IFT80: variants seen among roughly 807,000 people sequenced by gnomAD.
IFT80 encodes intraflagellar transport protein 80 homolog.
IFT80 carries 79 observed loss-of-function variants against 107.9 expected under a neutral mutation model. That is an observed-to-expected ratio of 0.73 (90% CI 0.61 to 0.88). IFT80 has a LOEUF of 0.88. Among genes scored for constraint, IFT80 ranks in the 40% least tolerant of loss-of-function variants. The probability of loss-of-function intolerance (pLI) is 0.00; values close to 1 mark genes in which losing one functional copy is unlikely to be tolerated. For missense variants in IFT80, 797 were observed against 914.2 expected, an observed-to-expected ratio of 0.87 and a Z score of 1.65; for synonymous variants, 299 against 300.9, an observed-to-expected ratio of 0.99 and a Z score of 0.07.
At chr3:160,381,466 T>A in intron 3 of IFT80, 37 bp downstream of exon 3, 1 of 1,461,004 alleles carries the variant, frequency 6.8e-7, no homozygotes, top group Non-Finnish European at 9.6e-7. Context: ...GTCTTTTAAA[T>A]ACAATGGCGA....
rs113139823 is a variant in IFT80, at chr3:160,385,711, G to A, written c.-46-1065C>T. The stretch of plus-strand genomic sequence containing the variant: ...AGCACAGCCAGAGCTAGAATACAAC[G>A]TCTCCCAGGCACACTTCTTAAGTTC... On this transcript the variant is annotated intron_variant, in intron 1 of 19. Transcript: ENST00000326448. Among the ~76,000 whole-genome samples, 1,329 of 152,266 alleles carry A rather than the reference G, an allele frequency of 8.7e-3. 10 individuals carry two copies. The highest frequency in any genetic ancestry group is 0.013 in the Non-Finnish European group (916 of 68,014).
At chr3:160,319,370 A>G (rs1363026017) in intron 9 of IFT80, among the ~76,000 whole-genome samples, 4 of 152,020 alleles carry the variant, frequency 2.6e-5, no homozygotes, top group Non-Finnish European at 4.4e-5. Flanking sequence ...AGTTCATCCA[A>G]TTACAAATAA....
At chr3:160,278,046 A>G (rs1714403568) in intron 16 of IFT80, among the ~76,000 whole-genome samples, 1 of 152,242 alleles carries the variant, frequency 6.6e-6, no homozygotes, top group African/African-American at 2.4e-5. Context: ...CTACTGATAT[A>G]CCAGTTAAGA....
At chr3:160,279,082 G>T in intron 16 of IFT80, 111 bp downstream of exon 16, 1 of 788,558 alleles carries the variant, frequency 1.3e-6, no homozygotes, top group Non-Finnish European at 2.1e-6. Context: ...AAAAAGACAT[G>T]ATCTTATTCA....
chr3:160,339,931 G>A (rs17826149), intron 8 of IFT80, among the ~76,000 whole-genome samples: 4,249 of 152,172 alleles, frequency 0.028, 85 homozygotes, highest in Non-Finnish European at 0.041. Flanking sequence ...GACCAATTTG[G>A]TTTTTAGCTG....
intron 3 of IFT80, chr3:160,378,028 T>A (rs183014592): frequency 6.5e-6 from 1 of 152,806 alleles, no homozygotes; most frequent in East Asian, 1.9e-4. Flanking sequence ...TGACATCTCT[T>A]ATATAATTAG....
At chr3:160,265,174 A>G (rs1713206484) in intron 19 of IFT80, among the ~76,000 whole-genome samples, 1 of 152,224 alleles carries the variant, frequency 6.6e-6, no homozygotes, top group African/African-American at 2.4e-5. Context: ...CCCAAGCACT[A>G]AGGAGAAAAC....
At chr3:160,279,450 G>A in intron 15 of IFT80, 86 bp from the exon 16 acceptor site, 1 of 1,039,112 alleles carries the variant, frequency 9.6e-7, no homozygotes. Flanking sequence ...AGTGGACCGT[G>A]AAATACACAC....
chr3:160,365,592 C>T (rs1420945534), intron 6 of IFT80, among the ~76,000 whole-genome samples: 2 of 151,992 alleles, frequency 1.3e-5, no homozygotes, highest in African/African-American at 4.8e-5. Context: ...TTACTGTATG[C>T]CCGGAATTGT....
intron 8 of IFT80, among the ~76,000 whole-genome samples, chr3:160,353,119 A>G (rs6441315): frequency 7.4e-4 from 112 of 152,180 alleles, no homozygotes; most frequent in African/African-American, 2.5e-3. Context: ...AAACTATGAT[A>G]CCTCACCTTT....
chr3:160,350,186 G>A (rs1720575400), intron 8 of IFT80, among the ~76,000 whole-genome samples: 1 of 150,266 alleles, frequency 6.7e-6, no homozygotes, highest in Admixed American at 6.6e-5. Flanking sequence ...AGGCCAAGAC[G>A]AACAGATCAC....
intron 18 of IFT80, among the ~76,000 whole-genome samples, chr3:160,272,307 T>A (rs750522043): frequency 1.3e-5 from 2 of 152,138 alleles, no homozygotes; most frequent in African/African-American, 2.4e-5. Flanking sequence ...CTTTTGAAGG[T>A]ATGACTGCAA....
chr3:160,297,589 C>T lies in IFT80; in HGVS notation c.1315+3294G>A, dbSNP rs114700915. 7.0e-3 allele frequency among the ~76,000 whole-genome samples: 1,060 copies of T among 151,782 alleles called. 11 individuals are homozygous for T. The highest frequency in any genetic ancestry group is 0.024 in the African/African-American group (991 of 41,426). ...ATATTCACCAAGAAAAATCACGTTG[C>T]AACATTTAGTTATCTTCTAAGGTTG... On this transcript the variant is annotated intron_variant, in intron 12 of 19. Transcript: ENST00000326448.
chr3:160,263,342 G>A (rs945891541), intron 19 of IFT80, among the ~76,000 whole-genome samples: 5 of 152,020 alleles, frequency 3.3e-5, no homozygotes, highest in African/African-American at 9.7e-5. Context: ...TACTCACCAC[G>A]CTCGCCTCTA....
chr3:160,381,377 T>G, intron 3 of IFT80, 126 bp downstream of exon 3: 1 of 751,410 alleles, frequency 1.3e-6, no homozygotes, highest in Non-Finnish European at 2.3e-6. Context: ...AGAAAAGAAA[T>G]ACAATATGTG....
chr3:160,290,413 GA>G (rs555146009), intron 12 of IFT80, among the ~76,000 whole-genome samples: 689 of 49,390 alleles, frequency 0.014, 6 homozygotes, highest in Non-Finnish European at 0.021. Context: ...CTCAAAAACA[GA>G]AAAAAAAAAA....
At chr3:160,341,338 A>G (rs932853967) in intron 8 of IFT80, among the ~76,000 whole-genome samples, 10 of 105,902 alleles carry the variant, frequency 9.4e-5, no homozygotes, top group Non-Finnish European at 1.8e-4. Context: ...CTTATTAACA[A>G]TGATTAAAAA....
intron 12 of IFT80, among the ~76,000 whole-genome samples, chr3:160,289,545 C>G (rs1170090320): frequency 6.6e-6 from 1 of 152,044 alleles, no homozygotes; most frequent in East Asian, 1.9e-4. Flanking sequence ...AGGGGAGAGT[C>G]AAGGGACTCA....
At chr3:160,328,648 A>G (rs1718859065) in intron 8 of IFT80, among the ~76,000 whole-genome samples, 1 of 152,028 alleles carries the variant, frequency 6.6e-6, no homozygotes, top group South Asian at 2.1e-4. Flanking sequence ...CTGGGTATAT[A>G]CCCAAAGGAA....
Sources: gnomAD v4.1 joint callset for allele counts (sites outside exome capture counted in the v4.1 genomes callset) on GRCh38, gnomAD v4.1.1 for gene constraint, MANE v1.5 for transcripts, NCBI Gene and HGNC (gene_info 2026-07-23, HGNC 2026-07-21) for gene names.